SAMD9: variants seen among roughly 807,000 people sequenced by gnomAD.
The protein encoded by SAMD9 is sterile alpha motif domain-containing protein 9.
In SAMD9, 3 loss-of-function variants were observed where a neutral mutation model predicts 1.5. That is an observed-to-expected ratio of 2.05 (90% confidence interval 0.93 to 5.29). The LOEUF (loss-of-function observed/expected upper bound fraction) is 5.29. Ranked by LOEUF, SAMD9 falls within the 30% of genes most tolerant of loss-of-function variation. SAMD9 has a pLI of 0.02. For missense variants in SAMD9, 1,597 were observed against 1,820.8 expected (o/e 0.88, Z 2.24); for synonymous variants, 635 against 631.9 (o/e 1.00, Z -0.07).
At chr7:93,113,715 C>A (rs2116438954) in intron 2 of SAMD9, among the ~76,000 whole-genome samples, 1 of 152,260 alleles carries the variant, frequency 6.6e-6, no homozygotes, top group East Asian at 1.9e-4. Context: ...CATCACTGGC[C>A]ACCAGAGAAA....
intron 1 of SAMD9, among the ~76,000 whole-genome samples, 188 bp from the exon 2 acceptor site, chr7:93,115,083 G>A (rs1271956184): frequency 6.6e-6 from 1 of 152,160 alleles, no homozygotes; most frequent in African/African-American, 2.4e-5. Context: ...AAAACCAGTG[G>A]GGATTTTCAT....
chr7:93,106,336 C>T (rs1791644421), intron 2 of SAMD9, among the ~76,000 whole-genome samples: 1 of 152,164 alleles, frequency 6.6e-6, no homozygotes. Flanking sequence ...TTGTGGCATA[C>T]TATACATAAT....
chr7:93,101,414 T>A lies in SAMD9; in HGVS notation c.4684A>T (p.Arg1562Ter). ...ACCTTCTCTATGCTTCTGCCACTTC[T>A]AAGTTGACCTAAAAAAGCGGGAGTG... ...PITPAFLGQL[R>*]SGRSIEKVSF... The change falls in exon 3 of 3, where the codon AGA becomes TGA. Residue 1562 changes from arginine to a stop codon, truncating the protein, a stop_gained. Transcript: ENST00000379958. LOFTEE classifies it high-confidence loss of function. 1 of 1,613,814 alleles carries A rather than the reference T, an allele frequency of 6.2e-7. No individual in the cohort carries two copies. The highest frequency in any genetic ancestry group is 8.5e-7 in the Non-Finnish European group (1 of 1,179,728).
chr7:93,112,234 T>G (rs1233109410), intron 2 of SAMD9, among the ~76,000 whole-genome samples: 3 of 152,034 alleles, frequency 2.0e-5, no homozygotes, highest in African/African-American at 2.4e-5. Flanking sequence ...ATGCAGAAAA[T>G]GCCTTTGACA....
At chr7:93,114,043 C>T (rs6947027) in intron 2 of SAMD9, among the ~76,000 whole-genome samples, 71,588 of 151,816 alleles carry the variant, frequency 0.47, 20,886 homozygotes, top group African/African-American at 0.82. Context: ...AGACTTGGAA[C>T]CAACCCAAAT....
intron 2 of SAMD9, among the ~76,000 whole-genome samples, chr7:93,106,794 C>T (rs1263112044): frequency 6.6e-6 from 1 of 152,164 alleles, no homozygotes; most frequent in Non-Finnish European, 1.5e-5. Flanking sequence ...ATACTCATCC[C>T]TCTGCATTTC....
At position 93,106,089 on chromosome 7, in the gene SAMD9, C is replaced by A; in HGVS notation, c.9G>T (p.Lys3Asn). Residue 3 changes from lysine to asparagine, a missense_variant, in exon 3 of 3, where the codon AAG (lysine) becomes AAT (asparagine). Lys to Asn is a moderately conservative substitution (Grantham distance 94). Coordinates refer to ENST00000379958, the MANE Select transcript of SAMD9 (RefSeq NM_017654.4). MA[K>N]QLNLPENTDD... is the part of the protein sequence containing the mutation. ...CTGTATTTTCTGGAAGGTTAAGTTGCTTTGCCATTCTGATACCTATATGTA... is the reference window on the plus strand; with the variant it reads ...CTGTATTTTCTGGAAGGTTAAGTTGATTTGCCATTCTGATACCTATATGTA... 1 of 1,588,784 alleles carries A rather than the reference C, an allele frequency of 6.3e-7. No homozygotes were observed. The highest frequency in any genetic ancestry group is 8.5e-7 in the Non-Finnish European group (1 of 1,171,832).
rs1386695070 is a variant in SAMD9, at chr7:93,105,372, T to C, written c.726A>G (p.Lys242=). The change falls in exon 3 of 3, where the codon AAA becomes AAG. Residue 242 remains lysine, a synonymous_variant. Coordinates refer to ENST00000379958, the MANE Select transcript of SAMD9 (RefSeq NM_017654.4). ...TGATGCCAACAATTTTCCCATGGGG[T>C]TTGTCTTTGACTCCAAAATGAATAG... ...NGTIHFGVKD[K]PHGKIVGIKV... 6.8e-6 allele frequency: 11 copies of C among 1,613,808 alleles called. No individual in the cohort carries two copies. In the South Asian group the frequency reaches 1.1e-4, roughly 16 times the overall value.
Position 93,104,676 on chromosome 7 carries a change from G to A in SAMD9, c.1422C>T (p.Thr474=), listed in dbSNP as rs1172345098. Residue 474 remains threonine, a synonymous_variant, in exon 3 of 3, where the codon ACC becomes ACT. Coordinates refer to ENST00000379958, the MANE Select transcript of SAMD9 (RefSeq NM_017654.4). ...HFPSVYVEQK[T]TPNETISTLN... ...GAGTAGAAATCGTCTCATTTGGTGT[G>A]GTTTTCTGTTCTACATATACACTTG... 3 of 1,613,856 alleles carry A rather than the reference G, an allele frequency of 1.9e-6. No homozygotes were observed. The highest frequency in any genetic ancestry group is 3.3e-5 in the Admixed American group (2 of 59,988).
In SAMD9 at chr7:93,105,330, G is replaced by A. The variant is rs185040724; in HGVS notation, c.768C>T (p.Thr256=). ...KIVGIKVTND[T]KEALINHFNL... ...TGAAATGGTTAATGAGGGCTTCCTT[G>A]GTATCATTGGTGACTTTGATGCCAA... is the stretch of plus-strand genomic sequence containing the variant. Residue 256 remains threonine (T), a synonymous_variant, in exon 3 of 3, where the codon ACC becomes ACT. Transcript: ENST00000379958. 5.6e-6 allele frequency: 9 copies of A among 1,613,828 alleles called. No individual in the cohort carries two copies. In the South Asian group the frequency reaches 7.7e-5, roughly 14 times the overall value.
Position 93,102,333 on chromosome 7 carries a change from AG to A in SAMD9, c.3764del (p.Pro1255LeufsTer3). The A allele has an allele frequency of 1.2e-6, 2 of 1,609,044 alleles. No homozygotes were observed. The highest frequency in any genetic ancestry group is 1.7e-6 in the Non-Finnish European group (2 of 1,175,886). On this transcript the variant is annotated frameshift_variant, in exon 3 of 3. Coordinates refer to ENST00000379958, the MANE Select transcript of SAMD9 (RefSeq NM_017654.4). LOFTEE classifies it low-confidence loss of function (END_TRUNC). Reference protein sequence around the residue: ...EYKLALKNYIPYLTKLKFSLK... With the variant: ...EYKLALKNYIXYLTKLKFSLK... ...AAGAAAATTTCAATTTAGTTAAATA[AG>A]GAATATAGTTTTTGAGGGCTAATTT... is the stretch of plus-strand genomic sequence containing the variant.
At chr7:93,110,939 C>G (rs1791731872) in intron 2 of SAMD9, among the ~76,000 whole-genome samples, 1 of 152,230 alleles carries the variant, frequency 6.6e-6, no homozygotes, top group African/African-American at 2.4e-5. Flanking sequence ...TTGAACTCAG[C>G]TCTGCACCAA....
At chr7:93,107,030 G>A (rs1228715361) in intron 2 of SAMD9, among the ~76,000 whole-genome samples, 1 of 151,752 alleles carries the variant, frequency 6.6e-6, no homozygotes, top group Non-Finnish European at 1.5e-5. Flanking sequence ...TTGTTGTGTT[G>A]TTGGGTATTT....
At chr7:93,107,944 A>G (rs1174112630) in intron 2 of SAMD9, among the ~76,000 whole-genome samples, 2 of 152,230 alleles carry the variant, frequency 1.3e-5, no homozygotes, top group South Asian at 2.1e-4. Context: ...TCTTACAACT[A>G]CATATGAATC....
At chr7:93,106,674 G>C (rs913232652) in intron 2 of SAMD9, among the ~76,000 whole-genome samples, 1 of 152,170 alleles carries the variant, frequency 6.6e-6, no homozygotes, top group Non-Finnish European at 1.5e-5. Flanking sequence ...GTCTAAATTT[G>C]GTTACCTATT....
rs1391177112 is a variant in SAMD9 at position 93,105,147 on chromosome 7, T to C, written c.951A>G (p.Gln317=). The change falls in exon 3 of 3, where the codon CAA becomes CAG. Residue 317 remains glutamine (Q), a synonymous_variant. Transcript: ENST00000379958. ...VDIIPQFSEC[Q]YDYFQIKMQN... is the part of the protein sequence containing the mutation. ...GCATTTTAATCTGGAAATAATCATA[T>C]TGGCATTCAGAGAACTGTGGAATAA... The C allele has an allele frequency of 8.7e-6, 14 of 1,613,490 alleles. No individual in the cohort carries two copies. The highest frequency in any genetic ancestry group is 1.3e-5 in the African/African-American group (1 of 74,922).
In SAMD9 at chr7:93,104,041, C is replaced by T; in HGVS notation, c.2057G>A (p.Gly686Asp). ...GAAGTTCCACCATGACACTTTGCCACCTCGATAGAAGTCTTCCTCTTTTGA... is the reference window on the plus strand; with the variant it reads ...GAAGTTCCACCATGACACTTTGCCATCTCGATAGAAGTCTTCCTCTTTTGA... ...KASKEEDFYR[G>D]GKVSWWNFYF... is the part of the protein sequence containing the mutation. Residue 686 changes from glycine (G) to aspartate (D), a missense_variant, in exon 3 of 3, where the codon GGT (glycine) becomes GAT (aspartate). Physicochemically the swap from Gly to Asp is moderately conservative, Grantham distance 94 (BLOSUM62 -1). Around this residue, in one of 6 missense-constraint regions of SAMD9, gnomAD observed 358 missense variants for 460.4 expected, o/e 0.78. Transcript: ENST00000379958. 1.9e-6 allele frequency: 3 copies of T among 1,614,004 alleles called. No homozygotes were observed. In the Admixed American group the frequency reaches 5.0e-5, roughly 27 times the overall value.
At chr7:93,106,784 A>G (rs117225215) in intron 2 of SAMD9, among the ~76,000 whole-genome samples, 1,611 of 152,298 alleles carry the variant, frequency 0.011, 20 homozygotes, top group East Asian at 0.079. Flanking sequence ...GTGGCCAGGC[A>G]TACTCATCCC....
Position 93,105,578 on chromosome 7 carries a change from G to A in SAMD9, c.520C>T (p.Arg174Cys), listed in dbSNP as rs373775990. The change falls in exon 3 of 3, where the codon CGT becomes TGT. Residue 174 changes from arginine to cysteine, a missense_variant. This residue lies in a region of SAMD9 where 498 missense variants were observed against 457.4 expected (regional missense o/e 1.09). Transcript: ENST00000379958. ...TGTAGACTAAAATCCAACTTGTAAC[G>A]ATATGGATTACTGAATTCATCAAAT... Reference protein sequence around the residue: ...YPFDEFSNPYRYKLDFSLQPE... With the variant: ...YPFDEFSNPYCYKLDFSLQPE... 45 of 1,613,958 alleles carry A rather than the reference G, an allele frequency of 2.8e-5. No individual in the cohort carries two copies. The highest frequency in any genetic ancestry group is 4.0e-5 in the African/African-American group (3 of 74,916).
Sources: gnomAD v4.1 joint callset for allele counts (sites outside exome capture counted in the v4.1 genomes callset) on GRCh38, gnomAD v4.1.1 for gene constraint, gnomAD v4.1.1 regional missense constraint, MANE v1.5 for transcripts, NCBI Gene and HGNC (gene_info 2026-07-23, HGNC 2026-07-21) for gene names.